The following CCDC159 variants were observed in gnomAD, a reference collection of about 807,000 sequenced individuals.
CCDC159 encodes the protein coiled-coil domain-containing protein 159.
CCDC159 carries 40 observed loss-of-function variants against 50.9 expected under a neutral mutation model. The ratio of observed to expected loss-of-function variants is 0.79; its 90% CI spans 0.61 to 1.02. CCDC159 has a LOEUF of 1.02. Among genes scored for constraint, CCDC159 ranks in the 50% least tolerant of loss-of-function variants. The pLI is 0.00. For synonymous variants in CCDC159, 146 were observed against 138.9 expected (o/e 1.05, Z -0.36); for missense variants, 356 against 371.5 (o/e 0.96, Z 0.34).
intron 3 of CCDC159, 36 bp from the exon 4 acceptor site, chr19:11,350,082 C>T (rs773335588): frequency 7.4e-6 from 12 of 1,612,190 alleles, no homozygotes; most frequent in Non-Finnish European, 1.0e-5. Flanking sequence ...CCCTCCCCTC[C>T]TTCCTCCCAC....
At chr19:11,348,342 G>A (rs955573545) in intron 1 of CCDC159, among the ~76,000 whole-genome samples, 14 of 152,162 alleles carry the variant, frequency 9.2e-5, no homozygotes, top group African/African-American at 3.4e-4. Flanking sequence ...AGGCTGGAGT[G>A]CAGTGGTGCA....
chr19:11,350,035 C>G lies in CCDC159; in HGVS notation c.144+9C>G. 1 of 1,613,510 alleles carries G rather than the reference C, an allele frequency of 6.2e-7. No homozygotes were observed. Among genetic ancestry groups the G allele is most frequent in the Non-Finnish European group, 8.5e-7 (1 of 1,179,618 alleles). ...TACAGGCCCAGACCAAGGTGAACCA[C>G]CTTGGCCCTGCCCCCAGCAACCTCT... On this transcript the variant is annotated intron_variant, in intron 3 of 10. Transcript: ENST00000458408.
At position 11,348,729 on chromosome 19, in the gene CCDC159, C is replaced by A. The variant is rs149978954; in HGVS notation, c.22-925C>A. 52 of 483,600 alleles carry A rather than the reference C, an allele frequency of 1.1e-4. 2 individuals are homozygous for A. In the East Asian group the frequency reaches 3.1e-3, roughly 29 times the overall value. 30.0% of individuals were successfully genotyped at this position (483,600 alleles called of 1,614,324 possible). On this transcript the variant is annotated intron_variant, in intron 1 of 10. Transcript: ENST00000458408. ...GACATGGGGACTTATCTCAAAGCAG[C>A]CCCTGCTTCCCTACTCACAGCGACC...
At chr19:11,346,711 C>G in intron 1 of CCDC159, 84 bp downstream of exon 1, 2 of 1,451,342 alleles carry the variant, frequency 1.4e-6, no homozygotes, top group South Asian at 2.5e-5. Flanking sequence ...ACCCCGCCCC[C>G]TCCCTAAATA....
rs1178435542 is a variant in CCDC159 at position 11,351,940 on chromosome 19, C to T, written c.457C>T (p.Arg153Trp). ...CCTGTGGGAGGAGCTGGAACTGGTG[C>T]GGGAGGAGGTGACCTTCATCTATCA... is the stretch of plus-strand genomic sequence containing the variant. ...KFLWEELELV[R>W]EEVTFIYQKL... Residue 153 changes from arginine to tryptophan, a missense_variant, in exon 6 of 11, where the codon CGG becomes TGG. Physicochemically the swap from Arg to Trp is moderately radical, Grantham distance 101. Coordinates refer to ENST00000458408, the MANE Select transcript of CCDC159 (RefSeq NM_001080503.3). The T allele has an allele frequency of 5.6e-6, 9 of 1,603,954 alleles. No individual in the cohort carries two copies. The highest frequency in any genetic ancestry group is 1.7e-4 in the Middle Eastern group (1 of 5,750).
chr19:11,348,585 G>T (rs974333015), intron 1 of CCDC159, among the ~76,000 whole-genome samples: 4 of 152,164 alleles, frequency 2.6e-5, no homozygotes, highest in Admixed American at 2.6e-4. Context: ...CACCATTGCT[G>T]GCCGCGTCTG....
chr19:11,350,994 T>G lies in CCDC159; in HGVS notation c.413T>G (p.Ile138Ser). 1 of 1,548,196 alleles carries G rather than the reference T, an allele frequency of 6.5e-7. No individual in the cohort carries two copies. The highest frequency in any genetic ancestry group is 8.7e-7 in the Non-Finnish European group (1 of 1,145,804). The part of the protein sequence containing the change: ...TRCLQLLAQE[I>S]RDSKKFLWEE... ...TGCCTGCAGCTGCTGGCCCAGGAGA[T>G]CCGGGACAGGTCGGGGATGGCGGGA... The change falls in exon 5 of 11, where the codon ATC becomes AGC. Residue 138 changes from isoleucine (I) to serine (S), a missense_variant. Coordinates refer to ENST00000458408, the MANE Select transcript of CCDC159 (RefSeq NM_001080503.3).
rs751602470 is a variant in CCDC159 at position 11,354,714 on chromosome 19, T to TC, written c.889+25dup. The TC allele has an allele frequency of 1.1e-5, 18 of 1,602,678 alleles. No homozygotes were observed. In the Admixed American group the frequency reaches 1.7e-4, roughly 15 times the overall value. On this transcript the variant is annotated intron_variant, in intron 10 of 10. Transcript: ENST00000458408. The stretch of plus-strand genomic sequence containing the variant: ...CCCACCCGGTGCAGATCCTCCCCAG[T>TC]CCCCCCCTCCACCCATTTCCCTCCT...
At chr19:11,348,966 G>A (rs751970090) in intron 1 of CCDC159, 2 of 1,345,490 alleles carry the variant, frequency 1.5e-6, no homozygotes, top group Middle Eastern at 2.1e-4. Context: ...TCACCCCTAG[G>A]CTCTTCCTCG....
chr19:11,349,914 G>C (rs768612432), intron 2 of CCDC159, 24 bp from the exon 3 acceptor site: 149 of 1,611,274 alleles, frequency 9.2e-5, no homozygotes, highest in Non-Finnish European at 1.2e-4. Flanking sequence ...TACAGCCCTG[G>C]CTCACCCTCT....
rs112833663 is a variant in CCDC159, at chr19:11,349,270, C to T, written c.22-384C>T. ...ACTGCTGTGGGGCTTAGGGAAGGGG[C>T]TGTAAGGCAGAGAGACTCCCATGAA... On this transcript the variant is annotated intron_variant, in intron 1 of 10. Transcript: ENST00000458408. The T allele has an allele frequency of 1.1e-4, 106 of 975,706 alleles. 1 individual carries two copies. The African/African-American group carries it at 1.6e-3, about 15-fold the overall frequency. The allele number at this position is 975,706 out of a possible 1,614,324, so 60.4% of individuals were successfully genotyped here. A position where few individuals can be genotyped will look rare whatever the true frequency, so the allele number is the denominator to read the frequency against.
intron 7 of CCDC159, 58 bp from the exon 8 acceptor site, chr19:11,353,393 C>G (rs2081905679): frequency 2.6e-6 from 4 of 1,515,456 alleles, no homozygotes; most frequent in African/African-American, 2.8e-5. Context: ...AGCCACCGCG[C>G]CTGGCACTAT....
At chr19:11,354,753 C>G in intron 10 of CCDC159, 57 bp downstream of exon 10, 1 of 1,609,086 alleles carries the variant, frequency 6.2e-7, no homozygotes, top group Non-Finnish European at 8.5e-7. Flanking sequence ...CTGCCCTTGA[C>G]TCCCACAGTC....
intron 4 of CCDC159, 99 bp from the exon 5 acceptor site, chr19:11,350,709 G>T: frequency 1.6e-6 from 2 of 1,229,838 alleles, no homozygotes; most frequent in South Asian, 1.6e-5. Flanking sequence ...CCAGGCCAGG[G>T]TGAGGGAAAT....
intron 1 of CCDC159, 137 bp downstream of exon 1, chr19:11,346,764 G>A (rs1599374584): frequency 3.0e-6 from 3 of 987,702 alleles, no homozygotes; most frequent in Non-Finnish European, 4.6e-6. Context: ...GGGATGGGAC[G>A]GGGAGAGAGG....
chr19:11,350,753 C>G, intron 4 of CCDC159, 55 bp from the exon 5 acceptor site: 1 of 1,473,338 alleles, frequency 6.8e-7, no homozygotes, highest in Non-Finnish European at 9.1e-7. Flanking sequence ...AAGATTAGGA[C>G]AAGCTGGGTT....
intron 8 of CCDC159, 95 bp from the exon 9 acceptor site, chr19:11,353,697 C>T (rs1967712635): frequency 2.6e-6 from 4 of 1,543,430 alleles, no homozygotes; most frequent in African/African-American, 2.7e-5. Context: ...CCCTAGGACT[C>T]ACCCCACCAC....
At position 11,353,479 on chromosome 19, in the gene CCDC159, A is replaced by G; in HGVS notation, c.596A>G (p.His199Arg). 1 of 1,596,290 alleles carries G rather than the reference A, an allele frequency of 6.3e-7. No homozygotes were observed. ...KILTKMKQQG[H>R]ETAACPETEE... ...CTGACCAAGATGAAGCAGCAGGGTC[A>G]TGAGACAGCCGCCTGTCCGGAGACT... Residue 199 changes from histidine (H) to arginine (R), a missense_variant, in exon 8 of 11, where the codon CAT becomes CGT. Physicochemically the swap from His to Arg is conservative, Grantham distance 29 (BLOSUM62 0). Transcript: ENST00000458408.
intron 1 of CCDC159, 37 bp from the exon 2 acceptor site, chr19:11,349,617 G>A (rs761913864): frequency 1.2e-6 from 2 of 1,611,324 alleles, no homozygotes; most frequent in South Asian, 1.1e-5. Flanking sequence ...GCAGCTCAGG[G>A]ACAAATTTCT....
Sources: allele counts gnomAD v4.1 joint callset (sites outside exome capture counted in the v4.1 genomes callset), GRCh38; gene constraint gnomAD v4.1.1; transcripts MANE v1.5; gene names NCBI Gene and HGNC (gene_info 2026-07-23, HGNC 2026-07-21).